CATSPERT: variants seen among roughly 807,000 people sequenced by gnomAD.
CATSPERT encodes the protein catsper channel auxiliary subunit tau, also known as cation channel sperm-associated targeting subunit tau.
chr2:201,611,743 T>G, the CATSPERT span, among the ~76,000 whole-genome samples: 1 of 152,152 alleles, frequency 6.6e-6, no homozygotes, highest in African/African-American at 2.4e-5. Context: ...TTGTGACACT[T>G]ATCACAGATG....
chr2:201,541,318 A>G, the CATSPERT span, among the ~76,000 whole-genome samples: 1 of 151,948 alleles, frequency 6.6e-6, no homozygotes, highest in African/African-American at 2.4e-5. Context: ...TGTGGGTAAA[A>G]TGCTATCAAA....
At chr2:201,594,660 T>C in the CATSPERT span, among the ~76,000 whole-genome samples, 1 of 152,050 alleles carries the variant, frequency 6.6e-6, no homozygotes, top group East Asian at 1.9e-4. Context: ...CCATATTTCT[T>C]GGAGGCTTTG....
the CATSPERT span, among the ~76,000 whole-genome samples, chr2:201,521,491 A>G: frequency 3.3e-5 from 5 of 151,922 alleles, no homozygotes; most frequent in Non-Finnish European, 5.9e-5. Flanking sequence ...CTTTTAAACC[A>G]TCAGATCTCC....
the CATSPERT span, among the ~76,000 whole-genome samples, chr2:201,506,588 C>T: frequency 1.3e-5 from 2 of 152,170 alleles, no homozygotes; most frequent in East Asian, 1.9e-4. Flanking sequence ...GAGTCTTGCT[C>T]TGTCATCCAG....
At chr2:201,528,160 G>A in the CATSPERT span, among the ~76,000 whole-genome samples, 1 of 151,504 alleles carries the variant, frequency 6.6e-6, no homozygotes, top group Admixed American at 6.6e-5. Context: ...ATGAAAATAT[G>A]CTCAACATTA....
the CATSPERT span, among the ~76,000 whole-genome samples, chr2:201,546,710 G>A: frequency 1.6e-4 from 24 of 152,174 alleles, no homozygotes; most frequent in Admixed American, 6.5e-4. Flanking sequence ...TGTGGAAAAC[G>A]GTTTGGAAGC....
At chr2:201,586,695 A>C in the CATSPERT span, among the ~76,000 whole-genome samples, 2 of 152,022 alleles carry the variant, frequency 1.3e-5, no homozygotes, top group Non-Finnish European at 2.9e-5. Flanking sequence ...ACAGTTTTTA[A>C]CTGCCTTCAT....
At chr2:201,491,479 A>C in the CATSPERT span, 2 of 1,536,594 alleles carry the variant, frequency 1.3e-6, no homozygotes, top group Non-Finnish European at 1.7e-6. Context: ...AAGAGTTTGT[A>C]TTTCTTTTTT....
At chr2:201,570,173 A>G in the CATSPERT span, among the ~76,000 whole-genome samples, 1 of 152,134 alleles carries the variant, frequency 6.6e-6, no homozygotes, top group Non-Finnish European at 1.5e-5. Context: ...CCTGTCTCCA[A>G]AAAAATAAAT....
At chr2:201,503,553 C>T in the CATSPERT span, among the ~76,000 whole-genome samples, 1 of 152,142 alleles carries the variant, frequency 6.6e-6, no homozygotes, top group Non-Finnish European at 1.5e-5. Context: ...CACCACCACA[C>T]CTGGCTAATT....
the CATSPERT span, chr2:201,495,820 A>G: frequency 1.0e-6 from 1 of 979,604 alleles, no homozygotes; most frequent in Middle Eastern, 2.7e-4. Context: ...GCTTTTTAGA[A>G]CTATTGAATT....
the CATSPERT span, chr2:201,601,863 T>C: frequency 6.2e-7 from 1 of 1,603,386 alleles, no homozygotes; most frequent in Non-Finnish European, 8.5e-7. Context: ...AATGAATAAA[T>C]TAGCATAATG....
chr2:201,512,204 A>G, the CATSPERT span, among the ~76,000 whole-genome samples: 1 of 152,188 alleles, frequency 6.6e-6, no homozygotes, highest in Admixed American at 6.5e-5. Context: ...ATATTTGACA[A>G]TGATCTTTCT....
chr2:201,597,473 A>G, the CATSPERT span, among the ~76,000 whole-genome samples: 20 of 152,118 alleles, frequency 1.3e-4, no homozygotes, highest in African/African-American at 4.6e-4. Context: ...TAGGAGCCCT[A>G]AATTGCCATC....
chr2:201,566,270 C>G, the CATSPERT span, among the ~76,000 whole-genome samples: 2 of 151,430 alleles, frequency 1.3e-5, no homozygotes, highest in African/African-American at 4.9e-5. Context: ...AGGTTTGTTA[C>G]ATATGTATAC....
chr2:201,601,689 T>C, the CATSPERT span: 188 of 1,512,276 alleles, frequency 1.2e-4, no homozygotes, highest in Middle Eastern at 5.3e-4. Context: ...GGTAGAATAT[T>C]TGGAACTATA....
the CATSPERT span, chr2:201,534,322 G>A: frequency 3.4e-5 from 29 of 843,258 alleles, no homozygotes; most frequent in Non-Finnish European, 4.0e-5. Flanking sequence ...ACAGTATCTT[G>A]AGAGATAATA....
the CATSPERT span, among the ~76,000 whole-genome samples, chr2:201,606,183 A>T: frequency 6.6e-6 from 1 of 152,242 alleles, no homozygotes. Flanking sequence ...AAAAATCTGT[A>T]TGTGGATAGG....
the CATSPERT span, chr2:201,619,118 G>C: frequency 6.2e-7 from 1 of 1,614,152 alleles, no homozygotes; most frequent in Admixed American, 1.7e-5. Flanking sequence ...TTTGTCTCTT[G>C]GGGTGGCTCC....
Sources: gnomAD v4.1 joint callset for allele counts (sites outside exome capture counted in the v4.1 genomes callset) on GRCh38, gnomAD v4.1.1 for gene constraint, MANE v1.5 for transcripts, NCBI Gene and HGNC (gene_info 2026-07-23, HGNC 2026-07-21) for gene names.